PAM: variants seen among roughly 807,000 people sequenced by gnomAD.
The protein encoded by PAM is peptidylglycine alpha-amidating monooxygenase, also known as peptidyl-glycine alpha-amidating monooxygenase.
In PAM, 72 loss-of-function variants were observed where a neutral mutation model predicts 122.1. That is an observed-to-expected ratio of 0.59 (90% CI 0.49 to 0.72). PAM has a LOEUF of 0.72. Ranked by LOEUF, PAM falls within the 30% of genes least tolerant of loss-of-function variation. PAM has a pLI of 0.00. For synonymous variants in PAM, 389 were observed against 404.4 expected (o/e 0.96, Z 0.46); for missense variants, 1,106 against 1,183.7 (o/e 0.93, Z 0.96).
chr5:102,801,359 A>G (rs2150090146), intron 1 of PAM, among the ~76,000 whole-genome samples: 1 of 152,342 alleles, frequency 6.6e-6, no homozygotes, highest in Admixed American at 6.5e-5. Flanking sequence ...ATAGGGGAGT[A>G]ATTATTGATG....
intron 7 of PAM, among the ~76,000 whole-genome samples, chr5:102,928,939 A>C (rs1263553247): frequency 6.6e-6 from 1 of 152,158 alleles, no homozygotes; most frequent in Non-Finnish European, 1.5e-5. Flanking sequence ...CCTCACTAGG[A>C]CATTGGTTAA....
chr5:102,776,487 T>C (rs1757209792), intron 1 of PAM, among the ~76,000 whole-genome samples: 1 of 152,160 alleles, frequency 6.6e-6, no homozygotes, highest in Non-Finnish European at 1.5e-5. Context: ...TTGAAGTCTT[T>C]AATCCATCTT....
intron 1 of PAM, among the ~76,000 whole-genome samples, chr5:102,777,333 T>C (rs1757431756): frequency 6.6e-6 from 1 of 152,096 alleles, no homozygotes; most frequent in Non-Finnish European, 1.5e-5. Flanking sequence ...TGTTTTGCCC[T>C]GCTCTCCTTT....
chr5:102,807,576 G>A (rs183978944), intron 1 of PAM, among the ~76,000 whole-genome samples: 2 of 152,276 alleles, frequency 1.3e-5, no homozygotes, highest in African/African-American at 4.8e-5. Flanking sequence ...TGATGTATTG[G>A]CAAGGATTTA....
At chr5:102,871,475 C>T (rs1787431346) in intron 3 of PAM, among the ~76,000 whole-genome samples, 1 of 151,720 alleles carries the variant, frequency 6.6e-6, no homozygotes, top group Non-Finnish European at 1.5e-5. Context: ...CAAACCTAGG[C>T]AAGAGAAACC....
intron 1 of PAM, among the ~76,000 whole-genome samples, chr5:102,818,147 T>G (rs923341158): frequency 1.3e-5 from 2 of 151,264 alleles, no homozygotes; most frequent in Admixed American, 1.3e-4. Context: ...CTTGTCAAAT[T>G]TAACATAACA....
At chr5:102,899,271 T>C (rs1797012674) in intron 3 of PAM, among the ~76,000 whole-genome samples, 1 of 151,688 alleles carries the variant, frequency 6.6e-6, no homozygotes, top group South Asian at 2.1e-4. Context: ...AATTATAGTA[T>C]GGATCTGATG....
intron 1 of PAM, among the ~76,000 whole-genome samples, chr5:102,778,531 A>G (rs1303631577): frequency 1.3e-5 from 2 of 152,200 alleles, no homozygotes; most frequent in Non-Finnish European, 2.9e-5. Context: ...AATAAAAACT[A>G]GACCCCATAT....
intron 3 of PAM, among the ~76,000 whole-genome samples, chr5:102,889,315 G>A (rs988609875): frequency 4.0e-5 from 6 of 151,876 alleles, no homozygotes; most frequent in Non-Finnish European, 7.4e-5. Context: ...TCCTTTTCTG[G>A]TAGGCAGCAG....
chr5:103,002,507 C>T (rs1261483882), intron 16 of PAM, among the ~76,000 whole-genome samples: 3 of 152,064 alleles, frequency 2.0e-5, no homozygotes, highest in Non-Finnish European at 4.4e-5. Context: ...TGAACATCCT[C>T]TTTTATATCT....
At chr5:102,995,935 TC>T (rs1244765136) in intron 16 of PAM, among the ~76,000 whole-genome samples, 1 of 152,076 alleles carries the variant, frequency 6.6e-6, no homozygotes. Flanking sequence ...TCACTTATAT[TC>T]TTGCATGAAA....
intron 1 of PAM, among the ~76,000 whole-genome samples, chr5:102,849,550 T>A (rs1354039071): frequency 3.1e-5 from 4 of 127,182 alleles, no homozygotes; most frequent in African/African-American, 1.3e-4. Context: ...AGAGCAAGAC[T>A]GTCTCAAAAA....
At chr5:102,831,641 T>A (rs555494827) in intron 1 of PAM, among the ~76,000 whole-genome samples, 2 of 152,286 alleles carry the variant, frequency 1.3e-5, no homozygotes, top group East Asian at 3.9e-4. Context: ...CTATATTTCA[T>A]GCAGTTTTTA....
intron 3 of PAM, among the ~76,000 whole-genome samples, chr5:102,895,736 C>CCA (rs1306089403): frequency 6.6e-6 from 1 of 151,648 alleles, no homozygotes; most frequent in Non-Finnish European, 1.5e-5. Context: ...CAAATATAAG[C>CCA]CACTTAGCAC....
chr5:102,895,844 A>G (rs965682345), intron 3 of PAM: 1 of 151,738 alleles, frequency 6.6e-6, no homozygotes, highest in Non-Finnish European at 1.5e-5. Context: ...AATCATTTGT[A>G]TTAAAGGAGA....
chr5:102,780,388 A>G (rs117717672), intron 1 of PAM, among the ~76,000 whole-genome samples: 1 of 152,162 alleles, frequency 6.6e-6, no homozygotes, highest in Non-Finnish European at 1.5e-5. Flanking sequence ...GTCTTTCTTG[A>G]TTCATGTAGT....
rs750747001 is a variant in PAM, at chr5:102,974,263, G to A, written c.1310G>A (p.Arg437Gln). ...GTAGTCCAAAAAAAGGATCTTGGTC[G>A]ATCTGATGCCAGAGAGGGTGCAGAA... ...ANVVQKKDLG[R>Q]SDAREGAEHE... The change falls in exon 15 of 26, where the codon CGA becomes CAA. Residue 437 changes from arginine to glutamine, a missense_variant. This residue lies in a region of PAM where 670 missense variants were observed against 690.3 expected (regional missense o/e 0.97). Transcript: ENST00000438793. The A allele has an allele frequency of 5.0e-6, 8 of 1,614,014 alleles. No homozygotes were observed. Among genetic ancestry groups the A allele is most frequent in the Non-Finnish European group, 5.9e-6 (7 of 1,179,944 alleles).
intron 15 of PAM, chr5:102,989,988 T>C (rs12656561): frequency 0.39 from 86,631 of 220,148 alleles, 17,913 homozygotes; most frequent in African/African-American, 0.53. Context: ...AGAAGAAGGC[T>C]GTCTCAAATT....
At chr5:102,917,920 T>G (rs1004885475) in intron 5 of PAM, among the ~76,000 whole-genome samples, 20 of 152,216 alleles carry the variant, frequency 1.3e-4, no homozygotes, top group African/African-American at 4.1e-4. Context: ...TTTAAAGTTT[T>G]TTTCCTCTGC....
Sources: allele counts gnomAD v4.1 joint callset (sites outside exome capture counted in the v4.1 genomes callset), GRCh38; gene constraint gnomAD v4.1.1; regional missense constraint gnomAD v4.1.1; transcripts MANE v1.5; gene names NCBI Gene and HGNC (gene_info 2026-07-23, HGNC 2026-07-21).